Variants in FLT4 observed in about 807,000 individuals in gnomAD.
FLT4 encodes the protein fms related receptor tyrosine kinase 4, also known as vascular endothelial growth factor receptor 3.
Under a neutral mutation model 163.2 loss-of-function variants are expected in FLT4, and 30 were observed. The ratio of observed to expected loss-of-function variants is 0.18; its 90% confidence interval spans 0.14 to 0.25. The LOEUF (loss-of-function observed/expected upper bound fraction) is 0.25. Ranked by LOEUF, FLT4 falls within the 10% of genes least tolerant of loss-of-function variation. The probability of loss-of-function intolerance (pLI) is 1.00; values close to 1 mark genes in which losing one functional copy is unlikely to be tolerated. For missense variants in FLT4, 1,510 were observed against 1,863.8 expected (o/e 0.81, Z 3.50); for synonymous variants, 884 against 789.5 (o/e 1.12, Z -2.01).
At chr5:180,608,158 C>G in intron 29 of FLT4, 2 of 700,446 alleles carry the variant, frequency 2.9e-6, no homozygotes, top group Non-Finnish European at 5.2e-6. Flanking sequence ...CTCCTGGTTC[C>G]TCTTTGAAGT....
intron 13 of FLT4, 104 bp from the exon 14 acceptor site, chr5:180,621,356 T>TAG: frequency 1.4e-6 from 2 of 1,451,182 alleles, no homozygotes; most frequent in Non-Finnish European, 1.9e-6. Flanking sequence ...AAGCTGGACT[T>TAG]AGGGGTTGTG....
chr5:180,622,238 C>T (rs943520249), intron 12 of FLT4, among the ~76,000 whole-genome samples: 1 of 152,184 alleles, frequency 6.6e-6, no homozygotes, highest in Non-Finnish European at 1.5e-5. Context: ...GGCCCCCCAG[C>T]CCCCGGGTGT....
chr5:180,621,792 C>T lies in FLT4; in HGVS notation c.1770G>A (p.Trp590Ter), dbSNP rs769009683. ...GCAGCGTGGACAGGTTGAGGCGGTA[C>T]CAGCGCAGATGCTCGTACTTGTAGC... ...ADSYKYEHLR[W>*]YRLNLSTLHD... is the part of the protein sequence containing the mutation. The change falls in exon 13 of 30, where the codon TGG becomes TGA. Residue 590 changes from tryptophan to a stop codon, truncating the protein, a stop_gained. Transcript: ENST00000261937. LOFTEE classifies it high-confidence loss of function. 1 of 1,613,372 alleles carries T rather than the reference C, an allele frequency of 6.2e-7. No individual in the cohort carries two copies. The highest frequency in any genetic ancestry group is 1.1e-5 in the South Asian group (1 of 91,090).
At chr5:180,625,513 C>T (rs907311273) in intron 10 of FLT4, among the ~76,000 whole-genome samples, 64 of 152,360 alleles carry the variant, frequency 4.2e-4, no homozygotes, top group South Asian at 2.1e-4. Flanking sequence ...GTCCCCACCC[C>T]GCTGGAGGTG....
At chr5:180,613,880 G>A (rs1157599535) in intron 24 of FLT4, 188 bp downstream of exon 24, 11 of 663,844 alleles carry the variant, frequency 1.7e-5, no homozygotes, top group Non-Finnish European at 2.8e-6. Context: ...TGGAGGCAAA[G>A]TCCTCTCGGA....
intron 1 of FLT4, among the ~76,000 whole-genome samples, chr5:180,648,361 T>C (rs1042484661): frequency 6.6e-6 from 1 of 152,206 alleles, no homozygotes; most frequent in Non-Finnish European, 1.5e-5. Context: ...CAGGCTTACT[T>C]TGGGCCTCCT....
intron 1 of FLT4, among the ~76,000 whole-genome samples, chr5:180,648,448 G>A (rs890642797): frequency 2.0e-5 from 3 of 152,162 alleles, no homozygotes; most frequent in African/African-American, 7.2e-5. Context: ...CTCCCTGTGA[G>A]AATTACAAGC....
chr5:180,645,578 G>A (rs768816958), intron 1 of FLT4, among the ~76,000 whole-genome samples: 25 of 152,166 alleles, frequency 1.6e-4, no homozygotes, highest in Non-Finnish European at 3.4e-4. Context: ...CGCCGGCCAC[G>A]TGGCGGGCCT....
rs2127814878 is a variant in FLT4, at chr5:180,621,146, G to A, written c.2127C>T (p.Ile709=). 6.2e-7 allele frequency: 1 copy of A among 1,612,820 alleles called. No homozygotes were observed. The highest frequency in any genetic ancestry group is 8.5e-7 in the Non-Finnish European group (1 of 1,179,986). ...GCAGCCTCTCGTCTTTGTACCACACGATGCTGGGCGCGTGCGCTCCGGCCA... is the reference window on the plus strand; with the variant it reads ...GCAGCCTCTCGTCTTTGTACCACACAATGCTGGGCGCGTGCGCTCCGGCCA... ...CLVAGAHAPS[I]VWYKDERLLE... is the part of the protein sequence containing the mutation. Residue 709 remains isoleucine (I), a synonymous_variant, in exon 14 of 30, where the codon ATC becomes ATT. Coordinates refer to ENST00000261937, the MANE Select transcript of FLT4 (RefSeq NM_182925.5).
chr5:180,621,931 G>A, intron 12 of FLT4, 27 bp from the exon 13 acceptor site: 2 of 1,612,320 alleles, frequency 1.2e-6, no homozygotes, highest in East Asian at 2.2e-5. Context: ...AAGCCCTGTG[G>A]CACTGCCCTG....
intron 21 of FLT4, among the ~76,000 whole-genome samples, chr5:180,618,178 T>C (rs13157580): frequency 1.9e-3 from 74 of 39,866 alleles, no homozygotes; most frequent in Admixed American, 2.8e-3. Flanking sequence ...CCACATCCTA[T>C]TCCAGAGCAC....
At chr5:180,649,990 CAT>C (rs1451393020), upstream of FLT4, among the ~76,000 whole-genome samples, 1 of 151,862 alleles carries the variant, frequency 6.6e-6, no homozygotes, top group African/African-American at 2.4e-5. Flanking sequence ...GCCGGCGTAA[CAT>C]AGGGAGACCC....
intron 13 of FLT4, 109 bp from the exon 14 acceptor site, chr5:180,621,361 G>A (rs552080638): frequency 3.5e-6 from 5 of 1,439,850 alleles, no homozygotes; most frequent in Middle Eastern, 2.1e-4. Context: ...GGACTTAGGG[G>A]TTGTGCGCCG....
chr5:180,614,468 C>T (rs1261010060), intron 23 of FLT4, among the ~76,000 whole-genome samples: 2 of 152,110 alleles, frequency 1.3e-5, no homozygotes, highest in Non-Finnish European at 2.9e-5. Context: ...GTAGACTGTA[C>T]ACCTTCCTCC....
intron 29 of FLT4, among the ~76,000 whole-genome samples, chr5:180,606,813 C>A (rs1356879132): frequency 6.6e-6 from 1 of 151,388 alleles, no homozygotes; most frequent in African/African-American, 2.4e-5. Context: ...AATCCCAGCA[C>A]CCTGGGAGGC....
intron 1 of FLT4, among the ~76,000 whole-genome samples, chr5:180,634,556 G>A (rs1436397713): frequency 6.6e-6 from 1 of 151,594 alleles, no homozygotes; most frequent in Admixed American, 6.6e-5. Flanking sequence ...CAAAAAATTA[G>A]CTGGGCATGG....
intron 29 of FLT4, among the ~76,000 whole-genome samples, chr5:180,605,153 C>T (rs973348511): frequency 3.3e-5 from 5 of 152,344 alleles, no homozygotes; most frequent in Non-Finnish European, 1.5e-5. Flanking sequence ...TTTGTAGAGA[C>T]AGCGTCTCAT....
At chr5:180,611,198 T>G in intron 27 of FLT4, 133 bp downstream of exon 27, 1 of 1,120,662 alleles carries the variant, frequency 8.9e-7, no homozygotes, top group African/African-American at 1.5e-5. Context: ...AAAGCCACTC[T>G]GTGCTCTGAG....
Position 180,614,003 on chromosome 5 carries a change from G to A in FLT4, c.3331+65C>T, listed in dbSNP as rs531560664. 2.9e-5 allele frequency: 33 copies of A among 1,131,010 alleles called. 1 individual carries two copies. The highest frequency in any genetic ancestry group is 2.6e-4 in the African/African-American group (17 of 65,570). The allele number at this position is 1,131,010 out of a possible 1,614,324, so 70.1% of individuals were successfully genotyped here. A position where few individuals can be genotyped will look rare whatever the true frequency, so the allele number is the denominator to read the frequency against. On this transcript the variant is annotated intron_variant, in intron 24 of 29. Transcript: ENST00000261937. ...CCCAGTCCCTTACTCCAGCAGGGGC[G>A]GTCATGTAACCTGCCGCCAGTGACC...
Sources: gnomAD v4.1 joint callset for allele counts (sites outside exome capture counted in the v4.1 genomes callset) on GRCh38, gnomAD v4.1.1 for gene constraint, MANE v1.5 for transcripts, NCBI Gene and HGNC (gene_info 2026-07-23, HGNC 2026-07-21) for gene names.